FAM114A2: variants seen among roughly 807,000 people sequenced by gnomAD.
FAM114A2 encodes the protein protein FAM114A2.
FAM114A2 carries 53 observed loss-of-function variants against 58.4 expected under a neutral mutation model. The ratio of observed to expected loss-of-function variants is 0.91; its 90% confidence interval spans 0.73 to 1.14. FAM114A2 has a LOEUF of 1.14. Among genes scored for constraint, FAM114A2 ranks in the 50% most tolerant of loss-of-function variants. FAM114A2 has a pLI of 0.00. For synonymous variants in FAM114A2, 228 were observed against 211.4 expected, an observed-to-expected ratio of 1.08 and a Z score of -0.68; for missense variants, 601 against 581.1, an observed-to-expected ratio of 1.03 and a Z score of -0.35.
intron 4 of FAM114A2, among the ~76,000 whole-genome samples, chr5:154,033,549 T>C (rs1280508423): frequency 1.3e-5 from 2 of 152,250 alleles, no homozygotes; most frequent in Non-Finnish European, 2.9e-5. Context: ...TAAATGTTTA[T>C]AACAGTCACT....
Position 154,011,015 on chromosome 5 carries a change from A to G in FAM114A2, c.993+226T>C, listed in dbSNP as rs925731120. Reference sequence around the variant, plus strand: ...GCTTTCAGATAAGCAAAGCATCCCAAATGAAAACAGGTAAGGATGGGACAC... The same window carrying G: ...GCTTTCAGATAAGCAAAGCATCCCAGATGAAAACAGGTAAGGATGGGACAC... On this transcript the variant is annotated intron_variant, in intron 9 of 13. Coordinates refer to ENST00000351797, the MANE Select transcript of FAM114A2 (RefSeq NM_018691.4). 2.0e-5 allele frequency among the ~76,000 whole-genome samples: 3 copies of G among 152,154 alleles called. No individual in the cohort carries two copies. In the East Asian group the frequency reaches 5.8e-4, roughly 29 times the overall value.
intron 3 of FAM114A2, 142 bp downstream of exon 3, chr5:154,034,136 C>T: frequency 1.6e-6 from 1 of 627,606 alleles, no homozygotes. Flanking sequence ...ATATATCAGC[C>T]CATCATTACT....
Position 153,994,949 on chromosome 5 carries a change from A to C in FAM114A2, c.1353T>G (p.Leu451=), listed in dbSNP as rs375295280. 1 of 1,609,438 alleles carries C rather than the reference A, an allele frequency of 6.2e-7. No individual in the cohort carries two copies. Among genetic ancestry groups the C allele is most frequent in the African/African-American group, 1.3e-5 (1 of 74,828 alleles). ...GAAATACTGCAGTGATTAATGGGTT[A>C]AGGACATCTGCCATTTCTTTGACCT... is the stretch of plus-strand genomic sequence containing the variant. ...TAGVKEMADV[L]NPLITAVFLE... Residue 451 remains leucine (L), a synonymous_variant, in exon 13 of 14, where the codon CTT becomes CTG. Transcript: ENST00000351797.
chr5:154,014,908 A>C (rs1770934978), intron 8 of FAM114A2, among the ~76,000 whole-genome samples: 2 of 152,134 alleles, frequency 1.3e-5, no homozygotes, highest in South Asian at 4.2e-4. Context: ...GTCTGGGGCA[A>C]GTTCTCAGCC....
intron 9 of FAM114A2, among the ~76,000 whole-genome samples, chr5:154,004,026 A>G (rs1007588152): frequency 6.6e-6 from 1 of 152,158 alleles, no homozygotes; most frequent in African/African-American, 2.4e-5. Context: ...ACAGTTTTGT[A>G]CAGGAGCAAT....
At chr5:154,036,276 A>G (rs1772550332) in intron 1 of FAM114A2, 1 of 152,208 alleles carries the variant, frequency 6.6e-6, no homozygotes. Context: ...AATTTAAGCC[A>G]TCAGATTGGC....
chr5:154,003,032 T>G, intron 9 of FAM114A2, 63 bp from the exon 10 acceptor site: 121 of 1,420,556 alleles, frequency 8.5e-5, no homozygotes, highest in Non-Finnish European at 1.1e-4. Flanking sequence ...ACTGTGCACC[T>G]ACCAGGAACA....
chr5:154,002,680 T>G (rs1301511942), intron 10 of FAM114A2, among the ~76,000 whole-genome samples, 167 bp downstream of exon 10: 1 of 152,188 alleles, frequency 6.6e-6, no homozygotes, highest in East Asian at 1.9e-4. Flanking sequence ...CTCTCTTTTT[T>G]TCTTCACTCC....
intron 11 of FAM114A2, 51 bp from the exon 12 acceptor site, chr5:153,997,926 A>T (rs2113193762): frequency 9.0e-7 from 1 of 1,105,568 alleles, no homozygotes; most frequent in South Asian, 1.3e-5. Flanking sequence ...TTAAAAAAAT[A>T]AGTTATATTT....
Position 154,003,475 on chromosome 5 carries a change from G to A in FAM114A2, c.994-506C>T, listed in dbSNP as rs371924900. Among the ~76,000 whole-genome samples the A allele has an allele frequency of 9.1e-4, 138 of 151,970 alleles. 2 individuals are homozygous for A. The highest frequency in any genetic ancestry group is 1.6e-3 in the Non-Finnish European group (112 of 67,968). On this transcript the variant is annotated intron_variant, in intron 9 of 13. Coordinates refer to ENST00000351797, the MANE Select transcript of FAM114A2 (RefSeq NM_018691.4). ...ATTACAGGCATGAGCCACTGCGCCC[G>A]GCCTCTAATCAGCTTTTTAAAAAAC... is the stretch of plus-strand genomic sequence containing the variant.
rs759094509 is a variant in FAM114A2, at chr5:154,028,223, C to A, written c.556G>T (p.Asp186Tyr). 1.9e-6 allele frequency: 3 copies of A among 1,611,060 alleles called. No individual in the cohort carries two copies. In the Admixed American group the frequency reaches 5.0e-5, roughly 27 times the overall value. The change falls in exon 6 of 14, where the codon GAT (aspartate) becomes TAT (tyrosine). Residue 186 changes from aspartate (D) to tyrosine (Y), a missense_variant. Coordinates refer to ENST00000351797, the MANE Select transcript of FAM114A2 (RefSeq NM_018691.4). The part of the protein sequence containing the change: ...ALEFIGKKTM[D>Y]VIAEGDPGFK... The stretch of plus-strand genomic sequence containing the variant: ...CCAGGATCCCCTTCTGCTATCACAT[C>A]CATTGTCTTTTTTCCAATGAATTCT...
At chr5:154,005,791 T>C (rs1241738939) in intron 9 of FAM114A2, among the ~76,000 whole-genome samples, 2 of 152,228 alleles carry the variant, frequency 1.3e-5, no homozygotes, top group Non-Finnish European at 2.9e-5. Flanking sequence ...TTATTAACTT[T>C]ACATACACAG....
Position 154,026,463 on chromosome 5 carries a change from T to G in FAM114A2, c.849A>C (p.Leu283Phe), listed in dbSNP as rs754074082. 4 of 1,578,470 alleles carry G rather than the reference T, an allele frequency of 2.5e-6. No individual in the cohort carries two copies. The South Asian group carries it at 4.7e-5, about 18-fold the overall frequency. The change falls in exon 8 of 14, where the codon TTA becomes TTC. Residue 283 changes from leucine to phenylalanine, a missense_variant. Physicochemically the swap from Leu to Phe is conservative, Grantham distance 22. Transcript: ENST00000351797. ...GAGAAAATGTTTCTTTGAGTTGCTC[T>G]AATTCAACTTTTAGAGTCTCTAATT... ...GEELETLKVE[L>F]EQLKETFSLA... is the part of the protein sequence containing the mutation.
Position 154,026,423 on chromosome 5 carries a change from C to G in FAM114A2, c.889G>C (p.Glu297Gln). 1 of 1,579,578 alleles carries G rather than the reference C, an allele frequency of 6.3e-7. No homozygotes were observed. ...KETFSLAEFC[E>Q]EEEEEKKGDE... Reference sequence around the variant, plus strand: ...CCTTTTTTCTCTTCTTCCTCTTCTTCACAAAATTCTGCTAGAGAAAATGTT... The same window carrying G: ...CCTTTTTTCTCTTCTTCCTCTTCTTGACAAAATTCTGCTAGAGAAAATGTT... Residue 297 changes from glutamate (E) to glutamine (Q), a missense_variant, in exon 8 of 14, where the codon GAA becomes CAA. Glu to Gln is a conservative substitution (Grantham distance 29). Transcript: ENST00000351797.
chr5:154,036,582 A>AT (rs1225946362), intron 1 of FAM114A2: 1 of 152,204 alleles, frequency 6.6e-6, no homozygotes, highest in South Asian at 2.1e-4. Flanking sequence ...GGCAGACTGG[A>AT]TGCAGCACTA....
At chr5:154,015,830 C>T (rs1283163616) in intron 8 of FAM114A2, among the ~76,000 whole-genome samples, 2 of 151,986 alleles carry the variant, frequency 1.3e-5, no homozygotes, top group Admixed American at 6.6e-5. Flanking sequence ...ATCAAGGAGG[C>T]ACCACAGAAA....
chr5:153,999,246 C>T (rs1446203777), intron 11 of FAM114A2, among the ~76,000 whole-genome samples: 1 of 152,126 alleles, frequency 6.6e-6, no homozygotes, highest in Non-Finnish European at 1.5e-5. Context: ...CGAAAAAATG[C>T]TCAACATCAC....
chr5:154,027,349 A>G lies in FAM114A2; in HGVS notation c.631-15T>C. 6.2e-7 allele frequency: 1 copy of G among 1,605,486 alleles called. No individual in the cohort carries two copies. The highest frequency in any genetic ancestry group is 1.7e-4 in the Middle Eastern group (1 of 5,996). ...TCTCGTAAAACCTAAAAAGAGATGG[A>G]GGCATTACACTGTAGCAAACAATGA... On this transcript the variant is annotated splice_polypyrimidine_tract_variant and intron_variant, in intron 6 of 13. Transcript: ENST00000351797.
intron 4 of FAM114A2, among the ~76,000 whole-genome samples, chr5:154,032,796 G>A (rs986818390): frequency 1.3e-5 from 2 of 152,182 alleles, no homozygotes; most frequent in Non-Finnish European, 2.9e-5. Context: ...AAAGAATACT[G>A]TAGAGAAGCC....
Sources: gnomAD v4.1 joint callset for allele counts (sites outside exome capture counted in the v4.1 genomes callset) on GRCh38, gnomAD v4.1.1 for gene constraint, MANE v1.5 for transcripts, NCBI Gene and HGNC (gene_info 2026-07-23, HGNC 2026-07-21) for gene names.